CSNK1A1: variants seen among roughly 807,000 people sequenced by gnomAD.
CSNK1A1 encodes casein kinase I isoform alpha.
A neutral mutation model predicts 46.1 loss-of-function variants in CSNK1A1; 7 were observed. The ratio of observed to expected loss-of-function variants is 0.15; its 90% CI spans 0.09 to 0.29. The LOEUF (loss-of-function observed/expected upper bound fraction) is 0.29, where lower values mean the gene tolerates loss of function less well. CSNK1A1 is among the 10% of genes least tolerant of loss of function. The pLI, the probability that CSNK1A1 is intolerant of heterozygous loss-of-function variation, is 1.00. For synonymous variants in CSNK1A1, 137 were observed against 141.5 expected (o/e 0.97, Z 0.23); for missense variants, 96 against 417.1 (o/e 0.23, Z 6.71).
chr5:149,501,818 A>G (rs1760866522), intron 9 of CSNK1A1: 4 of 977,784 alleles, frequency 4.1e-6, no homozygotes, highest in East Asian at 1.1e-4. Flanking sequence ...CTTATTTTTA[A>G]TATCTTGAAA....
intron 2 of CSNK1A1, among the ~76,000 whole-genome samples, chr5:149,532,714 A>ACT (rs2113149152): frequency 6.6e-6 from 1 of 152,310 alleles, no homozygotes; most frequent in Admixed American, 6.5e-5. Flanking sequence ...AGTGATTTCT[A>ACT]TTGGTGACAA....
At chr5:149,522,774 C>G (rs1160040136) in intron 3 of CSNK1A1, among the ~76,000 whole-genome samples, 2 of 152,244 alleles carry the variant, frequency 1.3e-5, no homozygotes, top group Non-Finnish European at 2.9e-5. Flanking sequence ...ATTTGTTACC[C>G]GTGTACCCAA....
intron 9 of CSNK1A1, chr5:149,500,914 T>C (rs1041560079): frequency 1.1e-6 from 1 of 914,314 alleles, no homozygotes; most frequent in Non-Finnish European, 1.3e-6. Flanking sequence ...AGGTATACAC[T>C]ATTCCTAAAC....
intron 4 of CSNK1A1, among the ~76,000 whole-genome samples, chr5:149,519,825 T>C (rs986094546): frequency 6.6e-6 from 1 of 152,182 alleles, no homozygotes; most frequent in Non-Finnish European, 1.5e-5. Context: ...TCAACCATGC[T>C]CAGTCAGCAA....
At chr5:149,512,336 T>C (rs562651062) in intron 5 of CSNK1A1, among the ~76,000 whole-genome samples, 3 of 152,032 alleles carry the variant, frequency 2.0e-5, no homozygotes, top group Non-Finnish European at 1.5e-5. Flanking sequence ...TATTTAAGGA[T>C]AGGTAATGCC....
intron 4 of CSNK1A1, among the ~76,000 whole-genome samples, chr5:149,520,087 C>CG (rs1205177717): frequency 6.6e-6 from 1 of 152,132 alleles, no homozygotes; most frequent in Non-Finnish European, 1.5e-5. Flanking sequence ...TAACTAACCT[C>CG]GGTTGGGTAA....
chr5:149,535,958 T>G (rs900688250), intron 2 of CSNK1A1, among the ~76,000 whole-genome samples: 4 of 152,018 alleles, frequency 2.6e-5, no homozygotes, highest in African/African-American at 2.4e-5. Flanking sequence ...CAAATGGCTT[T>G]CTTTCTTTTT....
chr5:149,512,006 T>C, intron 5 of CSNK1A1, 134 bp from the exon 6 acceptor site: 3 of 624,018 alleles, frequency 4.8e-6, no homozygotes, highest in Non-Finnish European at 7.9e-6. Flanking sequence ...AAGAAGCTAC[T>C]TATTTAAGGT....
intron 2 of CSNK1A1, among the ~76,000 whole-genome samples, chr5:149,531,701 AAAAAAAC>A (rs869306501): frequency 1.2e-5 from 1 of 86,860 alleles, no homozygotes; most frequent in Non-Finnish European, 2.7e-5. Flanking sequence ...TACAAAAAAA[AAAAAAAC>A]AAAAAACAAA....
At chr5:149,496,936 T>G in intron 9 of CSNK1A1, 76 bp from the exon 10 acceptor site, 1 of 1,521,832 alleles carries the variant, frequency 6.6e-7, no homozygotes, top group Non-Finnish European at 8.8e-7. Context: ...AATATGGAAA[T>G]TGGGTGGAAC....
chr5:149,505,650 T>C (rs1175609950), intron 8 of CSNK1A1, 55 bp from the exon 9 acceptor site: 3 of 1,425,140 alleles, frequency 2.1e-6, no homozygotes. Flanking sequence ...TCCAGTTATA[T>C]AACCTACTAA....
chr5:149,523,566 G>T (rs1425747965), intron 3 of CSNK1A1, among the ~76,000 whole-genome samples: 1 of 152,174 alleles, frequency 6.6e-6, no homozygotes, highest in Non-Finnish European at 1.5e-5. Flanking sequence ...ATCACAATTT[G>T]CTCACATTTG....
intron 3 of CSNK1A1, among the ~76,000 whole-genome samples, chr5:149,522,236 A>C (rs1005364993): frequency 2.0e-5 from 3 of 151,854 alleles, no homozygotes; most frequent in Non-Finnish European, 4.4e-5. Flanking sequence ...GCCCCCTGAG[A>C]AGCTGGAACT....
rs769704267 is a variant in CSNK1A1 at position 149,505,615 on chromosome 5, TTA to T, written c.858-22_858-21del. ...AGGGTCCTGGAACACATAAAATATTTTATGTTAATCCTTTAATAACAGAGTCC... is the reference window on the plus strand; with the variant it reads ...AGGGTCCTGGAACACATAAAATATTTTGTTAATCCTTTAATAACAGAGTCC... On this transcript the variant is annotated intron_variant, in intron 8 of 9. Transcript: ENST00000377843. 3.1e-6 allele frequency: 5 copies of T among 1,601,722 alleles called. No homozygotes were observed. The highest frequency in any genetic ancestry group is 4.3e-6 in the Non-Finnish European group (5 of 1,170,198).
chr5:149,499,950 G>GTT (rs796205179), intron 9 of CSNK1A1, among the ~76,000 whole-genome samples: 3 of 138,152 alleles, frequency 2.2e-5, no homozygotes, highest in African/African-American at 5.3e-5. Context: ...TGGTTGTGGG[G>GTT]TTTTTTTTCT....
In CSNK1A1 at chr5:149,496,120, G is replaced by A. The variant is rs1760648293; in HGVS notation, c.*733C>T. ...AAGCAACATACATACATGTTCAGTT[G>A]TAAGATGTTAACTAAATTTCTGTGA... On this transcript the variant is annotated 3_prime_UTR_variant, in exon 10 of 10. Transcript: ENST00000377843. 1 of 152,484 alleles carries A rather than the reference G, an allele frequency of 6.6e-6. No homozygotes were observed. Among genetic ancestry groups the A allele is most frequent in the Non-Finnish European group, 1.5e-5 (1 of 68,006 alleles). 9.4% of individuals were successfully genotyped at this position (152,484 alleles called of 1,614,324 possible). A position where few individuals can be genotyped will look rare whatever the true frequency, so the allele number is the denominator to read the frequency against.
chr5:149,517,137 T>C lies in CSNK1A1; in HGVS notation c.456+3153A>G, dbSNP rs1761427083. On this transcript the variant is annotated intron_variant, in intron 4 of 9. Coordinates refer to ENST00000377843, the MANE Select transcript of CSNK1A1 (RefSeq NM_001892.6). The surrounding 1 kb of genome is among the most constrained non-coding windows in gnomAD (Gnocchi z 4.4). ...CCTGCCAAAAACTAAATTTAATATA[T>C]TTCAATGTATTACTAATGGTAATCT... Among the ~76,000 whole-genome samples, 1 of 152,210 alleles carries C rather than the reference T, an allele frequency of 6.6e-6. No individual in the cohort carries two copies. Among genetic ancestry groups the C allele is most frequent in the South Asian group, 2.1e-4 (1 of 4,832 alleles).
rs143728887 is a variant in CSNK1A1 at position 149,542,361 on chromosome 5, AC to A, written c.230+7713del. 5.3e-3 allele frequency among the ~76,000 whole-genome samples: 800 copies of A among 151,564 alleles called. 6 individuals carry two copies. The highest frequency in any genetic ancestry group is 7.7e-3 in the Non-Finnish European group (524 of 67,920). On this transcript the variant is annotated intron_variant, in intron 2 of 9. Transcript: ENST00000377843. ...TTGTATAATTATTTCATTATATGTT[AC>A]AATGTAATAATAATAGAAATAAAGT...
chr5:149,549,640 C>A (rs910649841), intron 2 of CSNK1A1: 6 of 648,082 alleles, frequency 9.3e-6, no homozygotes, highest in Non-Finnish European at 1.7e-5. Context: ...AACAAAAACA[C>A]AACAAAAGAG....
Sources: allele counts gnomAD v4.1 joint callset (sites outside exome capture counted in the v4.1 genomes callset), GRCh38; gene constraint gnomAD v4.1.1; non-coding constraint Gnocchi (gnomAD v3.1); transcripts MANE v1.5; gene names NCBI Gene and HGNC (gene_info 2026-07-23, HGNC 2026-07-21).